The following TMEM87B variants were observed in gnomAD, a reference collection of about 807,000 sequenced individuals.
TMEM87B encodes transmembrane protein 87B.
In TMEM87B, 83 loss-of-function variants were observed where a neutral mutation model predicts 80.3. The ratio of observed to expected loss-of-function variants is 1.03; its 90% CI spans 0.87 to 1.24. The LOEUF is 1.24. Among genes scored for constraint, TMEM87B ranks in the 50% most tolerant of loss-of-function variants. The pLI, the probability that TMEM87B is intolerant of heterozygous loss-of-function variation, is 0.00. For synonymous variants in TMEM87B, 219 were observed against 230.5 expected (o/e 0.95, Z 0.45); for missense variants, 625 against 674.4 (o/e 0.93, Z 0.81).
At chr2:112,072,895 CTT>C (rs71226782) in intron 4 of TMEM87B, among the ~76,000 whole-genome samples, 1 of 83,010 alleles carries the variant, frequency 1.2e-5, no homozygotes, top group Non-Finnish European at 2.3e-5. Context: ...AACTCTTCTT[CTT>C]TTTTTTTTTT....
chr2:112,110,932 T>C (rs1030022204), intron 17 of TMEM87B, among the ~76,000 whole-genome samples: 1 of 152,174 alleles, frequency 6.6e-6, no homozygotes, highest in Non-Finnish European at 1.5e-5. Context: ...ATTCAGTCTG[T>C]TGGCACTAAG....
At chr2:112,107,548 T>A (rs1360539579) in intron 16 of TMEM87B, among the ~76,000 whole-genome samples, 5 of 152,008 alleles carry the variant, frequency 3.3e-5, no homozygotes, top group African/African-American at 4.8e-5. Flanking sequence ...ACAAAAAAAA[T>A]AATATTTCAT....
Position 112,064,146 on chromosome 2 carries a change from T to G in TMEM87B, c.227-16T>G. On this transcript the variant is annotated splice_polypyrimidine_tract_variant and intron_variant, in intron 2 of 18. Coordinates refer to ENST00000283206, the MANE Select transcript of TMEM87B (RefSeq NM_032824.3). Reference sequence around the variant, plus strand: ...TGTATTATTCATGTAAAACAAGACTTTCTTTTTCTAAACAGTTAAGTCATT... The same window carrying G: ...TGTATTATTCATGTAAAACAAGACTGTCTTTTTCTAAACAGTTAAGTCATT... 2.5e-6 allele frequency: 4 copies of G among 1,608,950 alleles called. No homozygotes were observed. Among genetic ancestry groups the G allele is most frequent in the Middle Eastern group, 1.7e-4 (1 of 5,926 alleles).
At position 112,074,901 on chromosome 2, in the gene TMEM87B, CT is replaced by C; in HGVS notation, c.451-5del. The C allele has an allele frequency of 1.3e-6, 2 of 1,563,868 alleles. No individual in the cohort carries two copies. The highest frequency in any genetic ancestry group is 1.2e-5 in the South Asian group (1 of 85,502). On this transcript the variant is annotated splice_polypyrimidine_tract_variant and intron_variant, in intron 4 of 18. Transcript: ENST00000283206. The stretch of plus-strand genomic sequence containing the variant: ...GCAGTATAAAATGGCATTATTTACT[CT>C]TTTTTCCAGAATAAAGAACTAATAA...
At chr2:112,064,928 A>G (rs970195664) in intron 3 of TMEM87B, among the ~76,000 whole-genome samples, 7 of 152,098 alleles carry the variant, frequency 4.6e-5, no homozygotes, top group Admixed American at 2.0e-4. Flanking sequence ...ATATCTATAC[A>G]TATACATATA....
intron 9 of TMEM87B, among the ~76,000 whole-genome samples, chr2:112,087,479 A>G (rs1679182582): frequency 6.6e-6 from 1 of 151,462 alleles, no homozygotes; most frequent in Non-Finnish European, 1.5e-5. Context: ...GGGGAATTCC[A>G]CTGCATCTGT....
intron 11 of TMEM87B, among the ~76,000 whole-genome samples, chr2:112,092,646 A>G (rs1034719685): frequency 5.9e-5 from 9 of 152,194 alleles, no homozygotes; most frequent in Admixed American, 3.9e-4. Flanking sequence ...AACCCACGTG[A>G]TAGACTTGCT....
intron 6 of TMEM87B, among the ~76,000 whole-genome samples, chr2:112,078,478 A>G (rs1420259755): frequency 6.6e-6 from 1 of 152,228 alleles, no homozygotes; most frequent in East Asian, 1.9e-4. Context: ...AGTTCCCTCC[A>G]GGCCTTTTGT....
At chr2:112,095,986 G>A (rs1338331124) in intron 11 of TMEM87B, among the ~76,000 whole-genome samples, 3 of 151,932 alleles carry the variant, frequency 2.0e-5, no homozygotes, top group Non-Finnish European at 4.4e-5. Context: ...TGTGCTCCTG[G>A]AAAACAGCCA....
At chr2:112,100,385 C>T (rs1342993392) in intron 14 of TMEM87B, among the ~76,000 whole-genome samples, 1 of 152,168 alleles carries the variant, frequency 6.6e-6, no homozygotes, top group Non-Finnish European at 1.5e-5. Context: ...TGCAAAATTG[C>T]TTTGCAGAAA....
chr2:112,073,044 C>T (rs1411766535), intron 4 of TMEM87B, among the ~76,000 whole-genome samples: 1 of 151,718 alleles, frequency 6.6e-6, no homozygotes, highest in Non-Finnish European at 1.5e-5. Flanking sequence ...GGATTGCAGG[C>T]ACCCACCACC....
chr2:112,079,411 A>G (rs1468084786), intron 6 of TMEM87B, among the ~76,000 whole-genome samples: 1 of 152,166 alleles, frequency 6.6e-6, no homozygotes, highest in Non-Finnish European at 1.5e-5. Flanking sequence ...AGTGTTTTCC[A>G]GTTCCATCCA....
rs1223483564 is a variant in TMEM87B, at chr2:112,055,656, G to A, written c.65G>A (p.Arg22Gln). The A allele has an allele frequency of 6.3e-7, 1 of 1,575,040 alleles. No homozygotes were observed. The highest frequency in any genetic ancestry group is 8.6e-7 in the Non-Finnish European group (1 of 1,163,738). Residue 22 changes from arginine (R) to glutamine (Q), a missense_variant, in exon 1 of 19, where the codon CGG becomes CAG. By Grantham distance (43) the Arg-to-Gln change is conservative. Coordinates refer to ENST00000283206, the MANE Select transcript of TMEM87B (RefSeq NM_032824.3). ...LPRRRRCFPA[R>Q]APLLRVALCL... ...CGCCGCCGCCGCTGCTTTCCCGCCC[G>A]GGCCCCGCTGCTGCGCGTCGCCCTC...
rs1423722862 is a variant in TMEM87B at position 112,118,760 on chromosome 2, C to G, written c.*2617C>G. Reference sequence around the variant, plus strand: ...ACAGTACAATGTTTACATTACTATACTGTCAAGCTGAAAGTATAAAAAATG... The same window carrying G: ...ACAGTACAATGTTTACATTACTATAGTGTCAAGCTGAAAGTATAAAAAATG... On this transcript the variant is annotated 3_prime_UTR_variant, in exon 19 of 19. Transcript: ENST00000283206. 6.6e-6 allele frequency: 1 copy of G among 152,032 alleles called. No individual in the cohort carries two copies. The highest frequency in any genetic ancestry group is 1.5e-5 in the Non-Finnish European group (1 of 68,016). The allele number at this position is 152,032 out of a possible 1,614,324, so 9.4% of individuals were successfully genotyped here. A position where few individuals can be genotyped will look rare whatever the true frequency, so the allele number is the denominator to read the frequency against.
At chr2:112,108,302 T>C (rs1469940844) in intron 17 of TMEM87B, among the ~76,000 whole-genome samples, 5 of 152,246 alleles carry the variant, frequency 3.3e-5, no homozygotes, top group Admixed American at 3.3e-4. Flanking sequence ...GCTGTTTCCA[T>C]AGTGAAAAAT....
At chr2:112,078,263 C>T (rs537106135) in intron 6 of TMEM87B, among the ~76,000 whole-genome samples, 16 of 152,106 alleles carry the variant, frequency 1.1e-4, no homozygotes, top group Non-Finnish European at 1.8e-4. Context: ...ATTTATTTCC[C>T]CACAGTTCTT....
intron 4 of TMEM87B, among the ~76,000 whole-genome samples, chr2:112,074,134 C>T (rs762916212): frequency 4.6e-5 from 7 of 152,084 alleles, no homozygotes; most frequent in Non-Finnish European, 8.8e-5. Context: ...CTGGTTATTA[C>T]GCAGACTCAT....
At position 112,086,055 on chromosome 2, in the gene TMEM87B, T is replaced by C. The variant is rs1204712032; in HGVS notation, c.889T>C (p.Leu297=). 5.6e-6 allele frequency: 9 copies of C among 1,614,252 alleles called. No individual in the cohort carries two copies. The highest frequency in any genetic ancestry group is 6.8e-6 in the Non-Finnish European group (8 of 1,180,044). Residue 297 remains leucine, a synonymous_variant, in exon 9 of 19, where the codon TTG becomes CTG. Coordinates refer to ENST00000283206, the MANE Select transcript of TMEM87B (RefSeq NM_032824.3). The part of the protein sequence containing the change: ...AELISAIKRT[L]ARLLVIIVSL... ...GTTGATTTCTGCGATTAAGAGGACGTTGGCTCGCCTTCTCGTGATCATTGT... is the reference window on the plus strand; with the variant it reads ...GTTGATTTCTGCGATTAAGAGGACGCTGGCTCGCCTTCTCGTGATCATTGT...
chr2:112,094,443 G>A (rs1314387013), intron 11 of TMEM87B, among the ~76,000 whole-genome samples: 2 of 152,206 alleles, frequency 1.3e-5, no homozygotes, highest in African/African-American at 2.4e-5. Flanking sequence ...TTACAGGCGT[G>A]AGCCACCGTG....
Sources: gnomAD v4.1 joint callset for allele counts (sites outside exome capture counted in the v4.1 genomes callset) on GRCh38, gnomAD v4.1.1 for gene constraint, MANE v1.5 for transcripts, NCBI Gene and HGNC (gene_info 2026-07-23, HGNC 2026-07-21) for gene names.